PTGER3: variants seen among roughly 807,000 people sequenced by gnomAD.
PTGER3 encodes prostaglandin E receptor 3, also known as prostaglandin E2 receptor EP3 subtype.
Under a neutral mutation model 34.7 loss-of-function variants are expected in PTGER3, and 22 were observed. The observed-to-expected ratio is 0.63, with a 90% CI of 0.45 to 0.91. The LOEUF (loss-of-function observed/expected upper bound fraction) is 0.91. Ranked by LOEUF, PTGER3 falls within the 40% of genes least tolerant of loss-of-function variation. The probability of loss-of-function intolerance (pLI) is 0.00; values close to 1 mark genes in which losing one functional copy is unlikely to be tolerated. For missense variants in PTGER3, 468 were observed against 519.4 expected, an observed-to-expected ratio of 0.90 and a Z score of 0.96; for synonymous variants, 241 against 230.1, an observed-to-expected ratio of 1.05 and a Z score of -0.43.
chr1:70,877,115 T>A lies in PTGER3; in HGVS notation c.*24-24256A>T, dbSNP rs528113021. Among the ~76,000 whole-genome samples the A allele has an allele frequency of 7.9e-5, 12 of 152,346 alleles. No individual in the cohort carries two copies. The South Asian group carries it at 2.5e-3, about 32-fold the overall frequency. On this transcript the variant is annotated intron_variant, in intron 4 of 4. Transcript: ENST00000370931. ...TGGAATGTTTTTACATTTGTTTGTG[T>A]CTTCTCTGATTTCTTTGAGCAGTGT... is the stretch of plus-strand genomic sequence containing the variant.
intron 4 of PTGER3, among the ~76,000 whole-genome samples, chr1:70,879,893 G>A (rs531229906): frequency 1.3e-5 from 2 of 152,092 alleles, no homozygotes; most frequent in Non-Finnish European, 2.9e-5. Context: ...AAGAGATTGA[G>A]ACCATCCTGG....
intron 4 of PTGER3, among the ~76,000 whole-genome samples, chr1:70,869,972 A>G (rs1381249538): frequency 6.6e-6 from 1 of 151,966 alleles, no homozygotes; most frequent in Admixed American, 6.6e-5. Context: ...CCTGGTGGGG[A>G]TTCTGTGTGG....
chr1:70,934,223 A>G (rs550761269), intron 4 of PTGER3, among the ~76,000 whole-genome samples: 34 of 152,130 alleles, frequency 2.2e-4, no homozygotes, highest in Non-Finnish European at 4.7e-4. Flanking sequence ...ACTACCCACA[A>G]AGCAAAATAA....
Position 71,009,697 on chromosome 1 carries a change from T to C in PTGER3, c.1077+2608A>G, listed in dbSNP as rs555834099. ...CCATGGTTTTCTTGGCCTTTAATTG[T>C]CTTTTAACCAATACTTCAAAATTCA... On this transcript the variant is annotated intron_variant, in intron 2 of 3. Coordinates refer to ENST00000306666, the MANE Select transcript of PTGER3 (RefSeq NM_198719.2). 388 of 985,256 alleles carry C rather than the reference T, an allele frequency of 3.9e-4. 5 individuals are homozygous for C. The South Asian group carries it at 0.016, about 40-fold the overall frequency. 61.0% of individuals were successfully genotyped at this position (985,256 alleles called of 1,614,324 possible). A position where few individuals can be genotyped will look rare whatever the true frequency, so the allele number is the denominator to read the frequency against.
At chr1:70,994,938 G>A (rs1037298053) in intron 2 of PTGER3, among the ~76,000 whole-genome samples, 1 of 152,114 alleles carries the variant, frequency 6.6e-6, no homozygotes, top group African/African-American at 2.4e-5. Flanking sequence ...AAGTGGGAGG[G>A]ACTGGGACAC....
At chr1:70,885,082 T>C (rs1025539014) in intron 4 of PTGER3, among the ~76,000 whole-genome samples, 2 of 152,162 alleles carry the variant, frequency 1.3e-5, no homozygotes, top group African/African-American at 4.8e-5. Context: ...AAAATTTGTC[T>C]GTTTCTAAAG....
chr1:70,935,483 C>G (rs965275146), intron 4 of PTGER3, among the ~76,000 whole-genome samples: 1 of 151,886 alleles, frequency 6.6e-6, no homozygotes, highest in African/African-American at 2.4e-5. Flanking sequence ...GAGAGTCTAC[C>G]TAAATTGCTC....
intron 1 of PTGER3, among the ~76,000 whole-genome samples, chr1:71,014,661 A>G (rs543997513): frequency 6.6e-6 from 1 of 152,308 alleles, no homozygotes; most frequent in South Asian, 2.1e-4. Flanking sequence ...GGGCACAGCA[A>G]GAAGACAGCA....
chr1:71,008,614 A>G (rs1023624818), intron 2 of PTGER3: 1 of 984,820 alleles, frequency 1.0e-6, no homozygotes, highest in Non-Finnish European at 1.2e-6. Context: ...ATGTCATGAA[A>G]CATCACAGAC....
chr1:70,906,275 C>T (rs890811018), intron 4 of PTGER3, among the ~76,000 whole-genome samples: 10 of 152,122 alleles, frequency 6.6e-5, no homozygotes, highest in Admixed American at 6.5e-4. Flanking sequence ...ACTTTGAAAA[C>T]TGTAAGGACA....
chr1:70,974,322 A>C lies in PTGER3; in HGVS notation c.1144T>G (p.Leu382Val). The change falls in exon 3 of 4, where the codon TTG becomes GTG. Residue 382 changes from leucine (L) to valine (V), a missense_variant. Physicochemically the swap from Leu to Val is conservative, Grantham distance 32 (BLOSUM62 1). Coordinates refer to ENST00000306666, the MANE Select transcript of PTGER3 (RefSeq NM_198719.2). ...TSLPCQCSST[L>V]MWSDHLER ...CTTTCCAAATGGTCGCTCCACATCAAGGTTGAGGAACACTGGCAGGGTAAG... is the reference window on the plus strand; with the variant it reads ...CTTTCCAAATGGTCGCTCCACATCACGGTTGAGGAACACTGGCAGGGTAAG... The C allele has an allele frequency of 1.3e-6, 2 of 1,552,466 alleles. No individual in the cohort carries two copies. Among genetic ancestry groups the C allele is most frequent in the Non-Finnish European group, 1.8e-6 (2 of 1,124,292 alleles).
rs551895035 is a variant in PTGER3 at position 71,027,427 on chromosome 1, C to T, written c.898-14943G>A. Among the ~76,000 whole-genome samples, 5 of 152,224 alleles carry T rather than the reference C, an allele frequency of 3.3e-5. No homozygotes were observed. The East Asian group carries it at 5.8e-4, about 18-fold the overall frequency. ...ATTCTCCTGCTTTGGCCTCTCAAAGCACTGAAATTAAAAACAAAAGATTTT... is the reference window on the plus strand; with the variant it reads ...ATTCTCCTGCTTTGGCCTCTCAAAGTACTGAAATTAAAAACAAAAGATTTT... On this transcript the variant is annotated intron_variant, in intron 1 of 3. Transcript: ENST00000306666.
chr1:70,883,041 T>C (rs1374989909), intron 4 of PTGER3, among the ~76,000 whole-genome samples: 1 of 152,208 alleles, frequency 6.6e-6, no homozygotes, highest in African/African-American at 2.4e-5. Flanking sequence ...AACAACTTTA[T>C]GCAAAATATC....
chr1:70,904,076 C>T (rs563156314), intron 4 of PTGER3, among the ~76,000 whole-genome samples: 24 of 137,750 alleles, frequency 1.7e-4, no homozygotes, highest in Admixed American at 9.6e-4. Context: ...GAATGAGTCT[C>T]ATGAGATCTG....
intron 4 of PTGER3, among the ~76,000 whole-genome samples, chr1:70,861,020 T>C (rs1314330980): frequency 1.3e-5 from 2 of 151,660 alleles, no homozygotes; most frequent in African/African-American, 2.4e-5. Flanking sequence ...CCACTAGGAG[T>C]GGGAAGTTAT....
At chr1:70,973,221 T>TAGATA (rs1409727915) in intron 3 of PTGER3, among the ~76,000 whole-genome samples, 1 of 137,574 alleles carries the variant, frequency 7.3e-6, no homozygotes, top group Non-Finnish European at 1.6e-5. Flanking sequence ...GATAGATAGA[T>TAGATA]GATAGATAGA....
At chr1:70,874,147 A>G (rs12068769) in intron 4 of PTGER3, among the ~76,000 whole-genome samples, 30 of 152,200 alleles carry the variant, frequency 2.0e-4, no homozygotes, top group African/African-American at 5.3e-4. Flanking sequence ...TTTTTCTTCA[A>G]TGGAATTTGG....
At chr1:71,028,755 G>C (rs1040215956) in intron 1 of PTGER3, among the ~76,000 whole-genome samples, 2 of 151,964 alleles carry the variant, frequency 1.3e-5, no homozygotes, top group Admixed American at 1.3e-4. Context: ...TAAAAACAAT[G>C]TTGTCTCTCT....
chr1:70,887,512 T>A (rs935152527), intron 4 of PTGER3, among the ~76,000 whole-genome samples: 4 of 152,322 alleles, frequency 2.6e-5, no homozygotes, highest in Admixed American at 2.0e-4. Flanking sequence ...TTTCTAAATC[T>A]ATAGTTTTTG....
Sources: allele counts gnomAD v4.1 joint callset (sites outside exome capture counted in the v4.1 genomes callset), GRCh38; gene constraint gnomAD v4.1.1; transcripts MANE v1.5; gene names NCBI Gene and HGNC (gene_info 2026-07-23, HGNC 2026-07-21).